Variants in SORCS3 observed in about 807,000 individuals in gnomAD.
SORCS3 encodes the protein sortilin related VPS10 domain containing receptor 3.
Under a neutral mutation model 146.3 loss-of-function variants are expected in SORCS3, and 57 were observed. The ratio of observed to expected loss-of-function variants is 0.39; its 90% CI spans 0.31 to 0.49. The LOEUF (loss-of-function observed/expected upper bound fraction) is 0.49, where lower values mean the gene tolerates loss of function less well. Ranked by LOEUF, SORCS3 falls within the 20% of genes least tolerant of loss-of-function variation. The pLI is 0.92. For synonymous variants in SORCS3, 653 were observed against 618.5 expected, an observed-to-expected ratio of 1.06 and a Z score of -0.83; for missense variants, 1,341 against 1,575.5, an observed-to-expected ratio of 0.85 and a Z score of 2.52.
At position 104,842,710 on chromosome 10, in the gene SORCS3, T is replaced by C. The variant is rs1223344800; in HGVS notation, c.628-82T>C. 6 of 1,059,578 alleles carry C rather than the reference T, an allele frequency of 5.7e-6. No homozygotes were observed. The East Asian group carries it at 1.4e-4, about 25-fold the overall frequency. 65.6% of individuals were successfully genotyped at this position (1,059,578 alleles called of 1,614,324 possible). A position where few individuals can be genotyped will look rare whatever the true frequency, so the allele number is the denominator to read the frequency against. The stretch of plus-strand genomic sequence containing the variant: ...TCTGGGTGATAGGAGATGCATTATA[T>C]ATTGTTACACAAACTAAAGTAAGCT... On this transcript the variant is annotated intron_variant, in intron 1 of 26. Transcript: ENST00000369701.
chr10:104,952,601 A>G lies in SORCS3; in HGVS notation c.796-24734A>G, dbSNP rs181728241. On this transcript the variant is annotated intron_variant, in intron 3 of 26. Transcript: ENST00000369701. ...TTTGTTCACCCATGTACAGGAACAAATGAAAGTTCTTCCATTTTCTGCCTT... is the reference window on the plus strand; with the variant it reads ...TTTGTTCACCCATGTACAGGAACAAGTGAAAGTTCTTCCATTTTCTGCCTT... 5.8e-3 allele frequency among the ~76,000 whole-genome samples: 877 copies of G among 152,332 alleles called. 14 individuals carry two copies. Among genetic ancestry groups the G allele is most frequent in the African/African-American group, 0.02 (815 of 41,576 alleles).
chr10:105,080,182 A>G lies in SORCS3; in HGVS notation c.1029-9593A>G, dbSNP rs147335712. Among the ~76,000 whole-genome samples, 100 of 152,284 alleles carry G rather than the reference A, an allele frequency of 6.6e-4. 1 individual carries two copies. The highest frequency in any genetic ancestry group is 1.2e-3 in the Non-Finnish European group (84 of 68,018). ...CTAATTTACACTCATACCAACGTGCATAGGTATTCTATTTTCACCTCAACC... is the reference window on the plus strand; with the variant it reads ...CTAATTTACACTCATACCAACGTGCGTAGGTATTCTATTTTCACCTCAACC... On this transcript the variant is annotated intron_variant, in intron 5 of 26. Coordinates refer to ENST00000369701, the MANE Select transcript of SORCS3 (RefSeq NM_014978.3).
At chr10:104,887,100 T>C (rs1224923392) in intron 2 of SORCS3, among the ~76,000 whole-genome samples, 1 of 152,212 alleles carries the variant, frequency 6.6e-6, no homozygotes, top group African/African-American at 2.4e-5. Context: ...ATGATTTAGT[T>C]GGGGAGACAA....
Position 104,651,520 on chromosome 10 carries a change from C to T in SORCS3, c.627+9566C>T, listed in dbSNP as rs534947747. Among the ~76,000 whole-genome samples, 14 of 142,062 alleles carry T rather than the reference C, an allele frequency of 9.9e-5. No individual in the cohort carries two copies. The South Asian group carries it at 3.3e-3, about 34-fold the overall frequency. 93.2% of individuals were successfully genotyped at this position (142,062 alleles called of 152,430 possible). On this transcript the variant is annotated intron_variant, in intron 1 of 26. Coordinates refer to ENST00000369701, the MANE Select transcript of SORCS3 (RefSeq NM_014978.3). ...ACCAGCCTGGCCAACATAGTGAAAC[C>T]TCCGGGCTCTACTAAAAAAAAAAAA... is the stretch of plus-strand genomic sequence containing the variant.
chr10:105,042,627 A>G (rs546757465), intron 4 of SORCS3, among the ~76,000 whole-genome samples: 1 of 152,316 alleles, frequency 6.6e-6, no homozygotes, highest in Non-Finnish European at 1.5e-5. Flanking sequence ...TTTTGGTGAC[A>G]ATGAAGAGCT....
intron 17 of SORCS3, among the ~76,000 whole-genome samples, chr10:105,213,597 T>C (rs1396585298): frequency 6.6e-6 from 1 of 152,186 alleles, no homozygotes; most frequent in Non-Finnish European, 1.5e-5. Flanking sequence ...CCTGGAAATA[T>C]GCCCATCATG....
intron 2 of SORCS3, among the ~76,000 whole-genome samples, chr10:104,895,759 G>T (rs924659957): frequency 3.9e-5 from 6 of 152,142 alleles, no homozygotes; most frequent in African/African-American, 7.2e-5. Flanking sequence ...TGTATGATGG[G>T]GGAAGAGTTT....
At chr10:104,853,717 C>T (rs2018298995) in intron 2 of SORCS3, among the ~76,000 whole-genome samples, 1 of 152,206 alleles carries the variant, frequency 6.6e-6, no homozygotes, top group African/African-American at 2.4e-5. Flanking sequence ...CATAGAGAGA[C>T]TGGGATGATC....
intron 1 of SORCS3, among the ~76,000 whole-genome samples, chr10:104,644,212 G>T (rs1376101855): frequency 1.3e-5 from 2 of 152,210 alleles, no homozygotes; most frequent in Non-Finnish European, 2.9e-5. Context: ...TTGTGCTCTT[G>T]GCCAGCCTTA....
intron 4 of SORCS3, among the ~76,000 whole-genome samples, chr10:105,025,201 C>A (rs1294146997): frequency 3.9e-5 from 6 of 152,150 alleles, no homozygotes. Flanking sequence ...GGAGGCAATT[C>A]CCTTGCATAA....
In SORCS3 at chr10:104,983,931, C is replaced by T. The variant is rs190527956; in HGVS notation, c.954+6438C>T. On this transcript the variant is annotated intron_variant, in intron 4 of 26. Transcript: ENST00000369701. ...AAAAATGGGATTTTAACATACATAC[C>T]GAAAAGCATACATCTCATGAGTCTG... is the stretch of plus-strand genomic sequence containing the variant. Among the ~76,000 whole-genome samples the T allele has an allele frequency of 7.6e-4, 116 of 152,060 alleles. 1 individual carries two copies. The highest frequency in any genetic ancestry group is 1.4e-3 in the Non-Finnish European group (96 of 67,986).
At chr10:105,089,102 T>A (rs890211588) in intron 5 of SORCS3, among the ~76,000 whole-genome samples, 1 of 152,146 alleles carries the variant, frequency 6.6e-6, no homozygotes, top group Non-Finnish European at 1.5e-5. Flanking sequence ...TCCACGAGGA[T>A]TGTTTGTAGG....
intron 16 of SORCS3, among the ~76,000 whole-genome samples, chr10:105,205,312 T>C (rs971224506): frequency 2.6e-5 from 4 of 152,192 alleles, no homozygotes; most frequent in African/African-American, 7.2e-5. Flanking sequence ...AAGAGGAGGT[T>C]TTCTAGATTC....
intron 8 of SORCS3, among the ~76,000 whole-genome samples, chr10:105,143,186 A>G (rs750425091): frequency 2.0e-5 from 3 of 152,130 alleles, no homozygotes; most frequent in Non-Finnish European, 4.4e-5. Flanking sequence ...GCTTTTCACC[A>G]TTCTGGAACA....
chr10:104,696,299 C>T lies in SORCS3; in HGVS notation c.627+54345C>T, dbSNP rs1260113354. 3.6e-5 allele frequency among the ~76,000 whole-genome samples: 4 copies of T among 112,070 alleles called. 1 individual carries two copies. The highest frequency in any genetic ancestry group is 1.6e-4 in the African/African-American group (4 of 25,722). 73.5% of individuals were successfully genotyped at this position (112,070 alleles called of 152,430 possible). On this transcript the variant is annotated intron_variant, in intron 1 of 26. Transcript: ENST00000369701. ...TATGATATATGATATATATCATATACACATATGATATATGATATATATCAT... is the reference window on the plus strand; with the variant it reads ...TATGATATATGATATATATCATATATACATATGATATATGATATATATCAT...
chr10:104,907,412 A>G (rs1189624753), intron 2 of SORCS3, among the ~76,000 whole-genome samples: 1 of 152,208 alleles, frequency 6.6e-6, no homozygotes, highest in African/African-American at 2.4e-5. Flanking sequence ...CTTCAGTGAG[A>G]ACTAATGTGT....
In SORCS3 at chr10:105,035,158, A is replaced by G. The variant is rs546442421; in HGVS notation, c.955-7897A>G. 2.0e-3 allele frequency among the ~76,000 whole-genome samples: 299 copies of G among 152,362 alleles called. 1 individual carries two copies. In the Middle Eastern group the frequency reaches 0.02, roughly 10 times the overall value. On this transcript the variant is annotated intron_variant, in intron 4 of 26. Transcript: ENST00000369701. ...GTGGTAAAAAGGGAGTATGATAGAC[A>G]CAGTGTTTTTCTGGAGGGTCTGCTT...
chr10:104,806,074 C>T (rs924381459), intron 1 of SORCS3, among the ~76,000 whole-genome samples: 8 of 152,118 alleles, frequency 5.3e-5, no homozygotes, highest in Non-Finnish European at 1.0e-4. Flanking sequence ...TTTTTACTTT[C>T]TGTAAAGTAA....
intron 14 of SORCS3, among the ~76,000 whole-genome samples, chr10:105,194,546 C>T (rs111790203): frequency 6.4e-4 from 98 of 152,162 alleles, no homozygotes; most frequent in African/African-American, 2.2e-3. Flanking sequence ...GTGAGTTTGG[C>T]CATACTAAGA....
Sources: gnomAD v4.1 joint callset for allele counts (sites outside exome capture counted in the v4.1 genomes callset) on GRCh38, gnomAD v4.1.1 for gene constraint, MANE v1.5 for transcripts, NCBI Gene and HGNC (gene_info 2026-07-23, HGNC 2026-07-21) for gene names.